CUX1: variants seen among roughly 807,000 people sequenced by gnomAD.
CUX1 encodes the protein protein CASP.
A neutral mutation model predicts 158.8 loss-of-function variants in CUX1; 31 were observed. That is an observed-to-expected ratio of 0.20 (90% CI 0.15 to 0.26). The LOEUF (loss-of-function observed/expected upper bound fraction) is 0.26, where lower values mean the gene tolerates loss of function less well. Ranked by LOEUF, CUX1 falls within the 10% of genes least tolerant of loss-of-function variation. CUX1 has a pLI of 1.00. For synonymous variants in CUX1, 879 were observed against 862.1 expected (o/e 1.02, Z -0.34); for missense variants, 1,589 against 2,014.6 (o/e 0.79, Z 4.04).
chr7:101,975,172 A>G (rs1156631065), intron 2 of CUX1, among the ~76,000 whole-genome samples: 1 of 151,860 alleles, frequency 6.6e-6, no homozygotes. Context: ...AATCCCTTGA[A>G]CCCGAGAGAT....
At chr7:101,911,253 G>T (rs1803402724) in intron 1 of CUX1, among the ~76,000 whole-genome samples, 1 of 152,272 alleles carries the variant, frequency 6.6e-6, no homozygotes, top group Non-Finnish European at 1.5e-5. Flanking sequence ...TGGATGGCCT[G>T]AGCCTTGGCC....
At position 101,916,288 on chromosome 7, in the gene CUX1, C is replaced by A; in HGVS notation, c.141+63C>A. On this transcript the variant is annotated intron_variant, in intron 2 of 23. Coordinates refer to ENST00000292535, the MANE Select transcript of CUX1 (RefSeq NM_181552.4). The surrounding 1 kb of genome is among the most constrained non-coding windows in gnomAD (Gnocchi z 4.4). ...CTTAGAATGCTGGTGCATGTTCAGG[C>A]GACGCTCCGTGAGCGTTTCATTTTC... 9.4e-7 allele frequency: 1 copy of A among 1,059,842 alleles called. No homozygotes were observed. Among genetic ancestry groups the A allele is most frequent in the Non-Finnish European group, 1.5e-6 (1 of 678,464 alleles). The allele number at this position is 1,059,842 out of a possible 1,614,324, so 65.7% of individuals were successfully genotyped here.
chr7:101,870,155 T>TG (rs1798358774), intron 1 of CUX1, among the ~76,000 whole-genome samples: 1 of 148,016 alleles, frequency 6.8e-6, no homozygotes, highest in Admixed American at 6.7e-5. Flanking sequence ...TTTTTTTTGT[T>TG]TTTTTTTTTT....
intron 1 of CUX1, among the ~76,000 whole-genome samples, chr7:101,838,503 T>C (rs748537847): frequency 6.6e-6 from 1 of 151,562 alleles, no homozygotes; most frequent in African/African-American, 2.4e-5. Flanking sequence ...GACAGCCGTA[T>C]TGAAATCCAT....
chr7:102,236,904 G>A (rs868910252), intron 22 of CUX1, among the ~76,000 whole-genome samples: 18 of 152,180 alleles, frequency 1.2e-4, no homozygotes, highest in East Asian at 3.8e-4. Flanking sequence ...CTGTTTCTGC[G>A]GGGCCCAGAC....
chr7:102,194,284 A>C (rs1794571026), intron 13 of CUX1: 1 of 185,662 alleles, frequency 5.4e-6, no homozygotes, highest in Non-Finnish European at 1.1e-5. Context: ...CTAAGAACAT[A>C]AATAAAAAAC....
intron 8 of CUX1, among the ~76,000 whole-genome samples, chr7:102,136,936 A>G (rs1470889889): frequency 6.6e-6 from 1 of 151,744 alleles, no homozygotes; most frequent in East Asian, 1.9e-4. Context: ...GGAGTTTGTT[A>G]TTTTCTTGTG....
intron 6 of CUX1, 108 bp downstream of exon 6, chr7:102,104,567 C>G: frequency 1.4e-6 from 2 of 1,428,220 alleles, no homozygotes; most frequent in East Asian, 4.7e-5. Context: ...CAGGTTGTAA[C>G]CCCAAATCTA....
At chr7:102,283,328 AC>A in exon 23 of CUX1, 1 of 536,356 alleles carries the variant, frequency 1.9e-6, no homozygotes, top group Non-Finnish European at 3.4e-6. Flanking sequence ...AGCCGCAGAG[AC>A]CCTCTCAGCC....
chr7:102,130,886 C>T (rs782660973), intron 8 of CUX1, among the ~76,000 whole-genome samples: 37 of 152,116 alleles, frequency 2.4e-4, no homozygotes, highest in Admixed American at 9.2e-4. Context: ...TGGTGGCTCA[C>T]GCCTGTAATC....
At chr7:101,914,233 G>A (rs1192056877) in intron 1 of CUX1, among the ~76,000 whole-genome samples, 1 of 152,126 alleles carries the variant, frequency 6.6e-6, no homozygotes, top group Non-Finnish European at 1.5e-5. Context: ...AATACTAAGG[G>A]GAGAAGAGTG....
intron 2 of CUX1, among the ~76,000 whole-genome samples, chr7:101,968,786 G>A (rs1035463121): frequency 6.6e-6 from 1 of 152,108 alleles, no homozygotes; most frequent in South Asian, 2.1e-4. Flanking sequence ...GGAGACAGGG[G>A]AGAGTTGGTA....
intron 1 of CUX1, among the ~76,000 whole-genome samples, chr7:101,868,376 G>A (rs1392614604): frequency 2.0e-5 from 3 of 152,166 alleles, no homozygotes; most frequent in Admixed American, 6.5e-5. Context: ...TTGGGCCAGC[G>A]CCTCCTCCCC....
chr7:101,882,721 C>G (rs1799842148), intron 1 of CUX1, among the ~76,000 whole-genome samples: 1 of 152,070 alleles, frequency 6.6e-6, no homozygotes, highest in East Asian at 1.9e-4. Flanking sequence ...CCAGAGGGGC[C>G]AACACAGGAA....
intron 3 of CUX1, among the ~76,000 whole-genome samples, chr7:102,065,203 T>A (rs1825405048): frequency 6.6e-6 from 1 of 152,030 alleles, no homozygotes; most frequent in Non-Finnish European, 1.5e-5. Flanking sequence ...CACCTCAGCC[T>A]CCGAGGAGCT....
chr7:102,281,697 G>A, intron 20 of CUX1: 1 of 648,530 alleles, frequency 1.5e-6, no homozygotes, highest in African/African-American at 1.8e-5. Flanking sequence ...CATGTCCCTG[G>A]CCCATAATGA....
At position 102,196,692 on chromosome 7, in the gene CUX1, G is replaced by A. The variant is rs782186138; in HGVS notation, c.1281G>A (p.Pro427=). 6 of 1,602,628 alleles carry A rather than the reference G, an allele frequency of 3.7e-6. No homozygotes were observed. The highest frequency in any genetic ancestry group is 2.2e-5 in the South Asian group (2 of 90,080). ...QPESRRPGSL[P]APPPSQLPRN... Reference sequence around the variant, plus strand: ...AAAGTCGGCGCCCGGGATCTTTGCCGGCCCCCCCTCCTTCTCAGTTGCCCC... The same window carrying A: ...AAAGTCGGCGCCCGGGATCTTTGCCAGCCCCCCCTCCTTCTCAGTTGCCCC... Residue 427 remains proline (P), a synonymous_variant, in exon 15 of 24, where the codon CCG becomes CCA. Transcript: ENST00000292535.
upstream of CUX1, chr7:101,816,025 C>T (rs1359061301): frequency 6.3e-6 from 9 of 1,426,596 alleles, no homozygotes; most frequent in Non-Finnish European, 8.4e-6. Context: ...CTCAATATGT[C>T]TCAAGATGGC....
chr7:102,182,107 T>C (rs1417505231), intron 11 of CUX1, among the ~76,000 whole-genome samples: 2 of 152,212 alleles, frequency 1.3e-5, no homozygotes, highest in Admixed American at 1.3e-4. Context: ...TTGAATCAGG[T>C]TGCTGTTTGG....
Sources: allele counts gnomAD v4.1 joint callset (sites outside exome capture counted in the v4.1 genomes callset), GRCh38; gene constraint gnomAD v4.1.1; non-coding constraint Gnocchi (gnomAD v3.1); transcripts MANE v1.5; gene names NCBI Gene and HGNC (gene_info 2026-07-23, HGNC 2026-07-21).